Variants in NRXN1 observed in about 807,000 individuals in gnomAD.
NRXN1 encodes neurexin-1.
A neutral mutation model predicts 150.9 loss-of-function variants in NRXN1; 39 were observed. The ratio of observed to expected loss-of-function variants is 0.26; its 90% CI spans 0.20 to 0.34. The LOEUF is 0.34. NRXN1 is among the 10% of genes least tolerant of loss of function. The pLI is 1.00. For synonymous variants in NRXN1, 924 were observed against 757.0 expected (o/e 1.22, Z -3.62); for missense variants, 1,815 against 1,949.9 (o/e 0.93, Z 1.30).
At chr2:50,472,202 G>A in intron 16 of NRXN1, 96 bp downstream of exon 16, 1 of 1,070,506 alleles carries the variant, frequency 9.3e-7, no homozygotes, top group Non-Finnish European at 1.3e-6. Context: ...TTGGGTATTT[G>A]ACCAGTTATC....
chr2:50,415,677 A>C (rs2083483179), intron 17 of NRXN1, among the ~76,000 whole-genome samples: 1 of 152,132 alleles, frequency 6.6e-6, no homozygotes, highest in Non-Finnish European at 1.5e-5. Context: ...CTAGGGTATA[A>C]AAATGCACAA....
intron 18 of NRXN1, among the ~76,000 whole-genome samples, chr2:50,095,481 T>G (rs1024139764): frequency 1.3e-5 from 2 of 152,152 alleles, no homozygotes; most frequent in African/African-American, 4.8e-5. Flanking sequence ...TGAAACTTAT[T>G]ATGGAAGTAG....
At chr2:50,263,409 C>T (rs1362285419) in intron 17 of NRXN1, among the ~76,000 whole-genome samples, 1 of 152,030 alleles carries the variant, frequency 6.6e-6, no homozygotes, top group Non-Finnish European at 1.5e-5. Flanking sequence ...GCAATCTCCC[C>T]TCTCACCTAT....
In NRXN1 at chr2:50,552,885, T is replaced by C; in HGVS notation, c.1461A>G (p.Pro487=). The C allele has an allele frequency of 6.2e-7, 1 of 1,613,986 alleles. No homozygotes were observed. Among genetic ancestry groups the C allele is most frequent in the Non-Finnish European group, 8.5e-7 (1 of 1,179,870 alleles). ...ATTTAGGCAAAGAGATGAAAGACTC[T>C]GGGGTTTCAAAGGTGATTGGGTCTA... ...ATLDPITFET[P]ESFISLPKWN... The change falls in exon 9 of 23, where the codon CCA becomes CCG. Residue 487 remains proline (P), a synonymous_variant. Coordinates refer to ENST00000401669, the MANE Select transcript of NRXN1 (RefSeq NM_001330078.2).
intron 17 of NRXN1, among the ~76,000 whole-genome samples, chr2:50,318,560 CA>C (rs1195080733): frequency 4.6e-5 from 7 of 152,018 alleles, no homozygotes; most frequent in Non-Finnish European, 8.8e-5. Flanking sequence ...GAGTGGGTTA[CA>C]ATATTGTGAT....
intron 5 of NRXN1, among the ~76,000 whole-genome samples, chr2:50,811,323 T>G (rs1411431252): frequency 2.6e-5 from 4 of 152,192 alleles, no homozygotes; most frequent in Non-Finnish European, 5.9e-5. Flanking sequence ...ATTGAAATCA[T>G]GCAAGTATTG....
intron 5 of NRXN1, among the ~76,000 whole-genome samples, chr2:50,837,580 G>T (rs1209876689): frequency 1.3e-5 from 2 of 152,026 alleles, no homozygotes; most frequent in African/African-American, 4.8e-5. Context: ...ATACCTGAGA[G>T]GACTCCTAGC....
intron 17 of NRXN1, among the ~76,000 whole-genome samples, chr2:50,266,113 C>T (rs2068834465): frequency 6.7e-6 from 1 of 150,250 alleles, no homozygotes; most frequent in African/African-American, 2.4e-5. Flanking sequence ...ACTCCCCTGC[C>T]TCAGCCTCCC....
chr2:50,891,561 G>C (rs745584080), intron 5 of NRXN1, among the ~76,000 whole-genome samples: 1 of 152,026 alleles, frequency 6.6e-6, no homozygotes, highest in Non-Finnish European at 1.5e-5. Context: ...TCAAGAGGTA[G>C]ACTTCTATAA....
chr2:50,704,761 T>A (rs1371047423), intron 5 of NRXN1, among the ~76,000 whole-genome samples: 2 of 151,814 alleles, frequency 1.3e-5, no homozygotes, highest in African/African-American at 4.8e-5. Context: ...AAACCTAACC[T>A]GGCACAAATA....
chr2:50,178,743 T>C (rs1189875439), intron 18 of NRXN1, among the ~76,000 whole-genome samples: 1 of 152,156 alleles, frequency 6.6e-6, no homozygotes, highest in Non-Finnish European at 1.5e-5. Context: ...CCCTGCTGTA[T>C]AATACATACC....
At chr2:50,743,401 G>A (rs1329393490) in intron 5 of NRXN1, among the ~76,000 whole-genome samples, 1 of 152,028 alleles carries the variant, frequency 6.6e-6, no homozygotes, top group Non-Finnish European at 1.5e-5. Context: ...GCATTTTTTT[G>A]TCAGAAAATA....
chr2:50,673,496 C>T (rs905515767), intron 5 of NRXN1, among the ~76,000 whole-genome samples: 1 of 151,990 alleles, frequency 6.6e-6, no homozygotes, highest in Non-Finnish European at 1.5e-5. Flanking sequence ...CCATTCTATG[C>T]AGAATACAAG....
chr2:50,263,211 G>A (rs1034082702), intron 17 of NRXN1, among the ~76,000 whole-genome samples: 3 of 150,484 alleles, frequency 2.0e-5, no homozygotes, highest in African/African-American at 4.9e-5. Context: ...AACAGCAAAT[G>A]ACCTGTTCAG....
chr2:50,317,970 C>CTCT (rs1370394881), intron 17 of NRXN1, among the ~76,000 whole-genome samples: 1 of 151,828 alleles, frequency 6.6e-6, no homozygotes, highest in African/African-American at 2.4e-5. Flanking sequence ...AAAATACAAA[C>CTCT]TATAAAGGGA....
intron 22 of NRXN1, among the ~76,000 whole-genome samples, chr2:49,932,680 C>T (rs1670346672): frequency 6.6e-6 from 1 of 152,162 alleles, no homozygotes; most frequent in African/African-American, 2.4e-5. Flanking sequence ...CAATTGTCAA[C>T]TTATGCTTAA....
chr2:50,332,365 G>A (rs754846993), intron 17 of NRXN1, among the ~76,000 whole-genome samples: 17 of 152,124 alleles, frequency 1.1e-4, no homozygotes, highest in Non-Finnish European at 2.1e-4. Context: ...CACACTTTCT[G>A]TCCTCAGGAA....
At chr2:50,117,984 A>C (rs1029639567) in intron 18 of NRXN1, among the ~76,000 whole-genome samples, 8 of 152,162 alleles carry the variant, frequency 5.3e-5, no homozygotes, top group African/African-American at 1.9e-4. Context: ...GCTGGAAATA[A>C]ATTAAATAAA....
At chr2:50,338,826 G>A (rs558731721) in intron 17 of NRXN1, among the ~76,000 whole-genome samples, 1 of 152,176 alleles carries the variant, frequency 6.6e-6, no homozygotes, top group South Asian at 2.1e-4. Context: ...GTATTTTTTA[G>A]AACAGCATCA....
Sources: gnomAD v4.1 joint callset for allele counts (sites outside exome capture counted in the v4.1 genomes callset) on GRCh38, gnomAD v4.1.1 for gene constraint, MANE v1.5 for transcripts, NCBI Gene and HGNC (gene_info 2026-07-23, HGNC 2026-07-21) for gene names.